Variants in PRTG observed in about 807,000 individuals in gnomAD.
PRTG encodes protogenin.
A neutral mutation model predicts 122.5 loss-of-function variants in PRTG; 67 were observed. That is an observed-to-expected ratio of 0.55 (90% CI 0.45 to 0.67). PRTG has a LOEUF of 0.67. Among genes scored for constraint, PRTG ranks in the 30% least tolerant of loss-of-function variants. The pLI, the probability that PRTG is intolerant of heterozygous loss-of-function variation, is 0.00. For missense variants in PRTG, 1,435 were observed against 1,415.4 expected (o/e 1.01, Z -0.22); for synonymous variants, 554 against 501.1 (o/e 1.11, Z -1.41).
chr15:55,724,938 C>T (rs368244091), intron 2 of PRTG, among the ~76,000 whole-genome samples: 56 of 152,206 alleles, frequency 3.7e-4, no homozygotes, highest in South Asian at 2.7e-3. Context: ...GAGGCTGAAA[C>T]GAAAGGACAT....
At chr15:55,719,737 A>G (rs1379436221) in intron 2 of PRTG, among the ~76,000 whole-genome samples, 2 of 152,190 alleles carry the variant, frequency 1.3e-5, no homozygotes, top group African/African-American at 4.8e-5. Context: ...TGTCTCACTT[A>G]AGTTTTAGGC....
At chr15:55,711,405 A>G (rs1312710106) in intron 2 of PRTG, among the ~76,000 whole-genome samples, 1 of 152,154 alleles carries the variant, frequency 6.6e-6, no homozygotes, top group Non-Finnish European at 1.5e-5. Context: ...GGTAGAGATC[A>G]TTGGAAAACC....
chr15:55,676,953 C>T (rs1175107325), intron 8 of PRTG, among the ~76,000 whole-genome samples: 1 of 152,146 alleles, frequency 6.6e-6, no homozygotes, highest in African/African-American at 2.4e-5. Flanking sequence ...CAACAAACCA[C>T]CTGTTTCTAT....
chr15:55,718,490 G>A (rs1405406774), intron 2 of PRTG, among the ~76,000 whole-genome samples: 7 of 151,008 alleles, frequency 4.6e-5, no homozygotes, highest in Admixed American at 4.0e-4. Flanking sequence ...CAACACCCCC[G>A]CTTTGACGGT....
chr15:55,679,725 C>T (rs1410975351), intron 6 of PRTG: 5 of 413,580 alleles, frequency 1.2e-5, no homozygotes, highest in East Asian at 8.2e-5. Flanking sequence ...TAGCCACATG[C>T]GAATGCAGTG....
chr15:55,625,365 T>G (rs2141713697), intron 17 of PRTG, among the ~76,000 whole-genome samples: 1 of 152,284 alleles, frequency 6.6e-6, no homozygotes, highest in East Asian at 1.9e-4. Context: ...TCTCAGCGAC[T>G]CAGGCATTTC....
intron 6 of PRTG, 155 bp from the exon 7 acceptor site, chr15:55,679,600 CT>C: frequency 1.8e-6 from 1 of 570,050 alleles, no homozygotes; most frequent in Non-Finnish European, 3.0e-6. Flanking sequence ...CTCCAGGTGC[CT>C]TTTCTCGGCA....
intron 2 of PRTG, among the ~76,000 whole-genome samples, chr15:55,726,587 A>G (rs532561715): frequency 6.6e-6 from 1 of 150,970 alleles, no homozygotes; most frequent in African/African-American, 2.4e-5. Flanking sequence ...AGCCGAGGCT[A>G]TGCCATGCAC....
chr15:55,730,729 G>A (rs1243468359), intron 2 of PRTG, among the ~76,000 whole-genome samples: 1 of 152,142 alleles, frequency 6.6e-6, no homozygotes, highest in Non-Finnish European at 1.5e-5. Context: ...GCACCCGGGA[G>A]GCGGAGCTTG....
intron 2 of PRTG, among the ~76,000 whole-genome samples, chr15:55,731,326 A>C (rs2031222512): frequency 6.6e-6 from 1 of 150,836 alleles, no homozygotes; most frequent in African/African-American, 2.4e-5. Context: ...AAGTTAGTTC[A>C]ATCTGAAAGC....
intron 11 of PRTG, among the ~76,000 whole-genome samples, chr15:55,652,379 G>A (rs1012420548): frequency 2.0e-5 from 3 of 152,184 alleles, no homozygotes; most frequent in East Asian, 1.9e-4. Flanking sequence ...GAAACCTAGT[G>A]TCTAGCCAAA....
intron 2 of PRTG, among the ~76,000 whole-genome samples, chr15:55,737,329 T>C (rs2031443684): frequency 6.6e-6 from 1 of 152,202 alleles, no homozygotes; most frequent in African/African-American, 2.4e-5. Context: ...ACTTTAACCC[T>C]ATACTTTCTT....
intron 11 of PRTG, among the ~76,000 whole-genome samples, chr15:55,670,799 GC>G (rs907804349): frequency 9.2e-5 from 14 of 152,036 alleles, no homozygotes; most frequent in Non-Finnish European, 1.8e-4. Context: ...TACTCGGGAG[GC>G]TGAGGCAGGA....
intron 10 of PRTG, 58 bp from the exon 11 acceptor site, chr15:55,672,691 C>A: frequency 7.5e-7 from 1 of 1,331,544 alleles, no homozygotes; most frequent in South Asian, 1.4e-5. Flanking sequence ...CATAAAGACA[C>A]AGAATAGGGT....
chr15:55,725,032 T>C (rs1369281781), intron 2 of PRTG, among the ~76,000 whole-genome samples: 2 of 152,224 alleles, frequency 1.3e-5, no homozygotes, highest in East Asian at 3.8e-4. Context: ...CCAGCAGTAT[T>C]GTATTTTTGG....
intron 2 of PRTG, among the ~76,000 whole-genome samples, chr15:55,728,050 G>T (rs1343331860): frequency 3.9e-5 from 6 of 151,982 alleles, no homozygotes; most frequent in African/African-American, 7.3e-5. Flanking sequence ...GTTTTTAGTA[G>T]AGACGGGGTC....
At chr15:55,738,002 C>CTCTATA (rs1248440584) in intron 2 of PRTG, among the ~76,000 whole-genome samples, 14 of 96,674 alleles carry the variant, frequency 1.4e-4, no homozygotes, top group African/African-American at 4.8e-4. Context: ...CTCTCTCTCT[C>CTCTATA]TATATATATA....
intron 11 of PRTG, among the ~76,000 whole-genome samples, chr15:55,658,911 T>A (rs964857393): frequency 6.6e-6 from 1 of 152,198 alleles, no homozygotes; most frequent in African/African-American, 2.4e-5. Flanking sequence ...TGACCCCAGT[T>A]AGATGTATTT....
At chr15:55,620,634 CA>C in intron 19 of PRTG, 28 bp downstream of exon 19, 1 of 1,559,850 alleles carries the variant, frequency 6.4e-7, no homozygotes, top group Non-Finnish European at 8.6e-7. Context: ...CACGCATTGC[CA>C]AAAATTTTTC....
Sources: gnomAD v4.1 joint callset for allele counts (sites outside exome capture counted in the v4.1 genomes callset) on GRCh38, gnomAD v4.1.1 for gene constraint, MANE v1.5 for transcripts, NCBI Gene and HGNC (gene_info 2026-07-23, HGNC 2026-07-21) for gene names.